The following TMLHE variants were observed in gnomAD, a reference collection of about 807,000 sequenced individuals.
The protein encoded by TMLHE is trimethyllysine hydroxylase, epsilon.
A neutral mutation model predicts 25.7 loss-of-function variants in TMLHE; 18 were observed. The observed-to-expected ratio is 0.70, with a 90% CI of 0.48 to 1.04. The LOEUF is 1.04. Ranked by LOEUF, TMLHE falls within the 50% of genes least tolerant of loss-of-function variation. TMLHE has a pLI of 0.00. For synonymous variants in TMLHE, 105 were observed against 97.0 expected (o/e 1.08, Z -0.49); for missense variants, 236 against 259.0 (o/e 0.91, Z 0.61).
At chrX:155,533,100 C>A (rs190180568) in intron 2 of TMLHE, among the ~76,000 whole-genome samples, 1 of 111,280 alleles carries the variant, frequency 9.0e-6, no homozygotes, top group Non-Finnish European at 1.9e-5. Context: ...TTCTGCAATG[C>A]GGGAATAATT....
At chrX:155,509,796 C>A (rs782166266) in intron 5 of TMLHE, among the ~76,000 whole-genome samples, 2 of 111,596 alleles carry the variant, frequency 1.8e-5, no homozygotes, top group Non-Finnish European at 3.8e-5. Flanking sequence ...AATCTATGTG[C>A]ACTCATTTTA....
intron 5 of TMLHE, among the ~76,000 whole-genome samples, chrX:155,510,584 A>G (rs373222538): frequency 7.3e-5 from 8 of 109,100 alleles, no homozygotes; most frequent in Admixed American, 2.0e-4. Flanking sequence ...TGAACTCATC[A>G]TTTTTTATGG....
chrX:155,581,221 T>C (rs1442745663), intron 1 of TMLHE, among the ~76,000 whole-genome samples: 1 of 111,567 alleles, frequency 9.0e-6, no homozygotes, highest in Non-Finnish European at 1.9e-5. Flanking sequence ...AATATCATAC[T>C]GAATGGGCAA....
At chrX:155,532,857 A>C (rs1469242808) in intron 2 of TMLHE, among the ~76,000 whole-genome samples, 2 of 111,405 alleles carry the variant, frequency 1.8e-5, no homozygotes, top group African/African-American at 6.5e-5. Flanking sequence ...CTTGTGGGTC[A>C]AATATAGTAT....
At chrX:155,549,560 C>G (rs909541224) in intron 1 of TMLHE, among the ~76,000 whole-genome samples, 1 of 110,114 alleles carries the variant, frequency 9.1e-6, no homozygotes, top group Non-Finnish European at 1.9e-5. Flanking sequence ...CCTTGCATTT[C>G]TGGAATAAAC....
At chrX:155,532,529 C>T (rs1437718645) in intron 2 of TMLHE, among the ~76,000 whole-genome samples, 1 of 111,626 alleles carries the variant, frequency 9.0e-6, no homozygotes, top group African/African-American at 3.3e-5. Context: ...CAACTGGATG[C>T]TTGAAAATGT....
intron 5 of TMLHE, 132 bp downstream of exon 5, chrX:155,511,541 G>T: frequency 3.2e-6 from 2 of 634,681 alleles, no homozygotes; most frequent in Non-Finnish European, 2.2e-6. Flanking sequence ...CATGTTTCTA[G>T]GGGAAGAGAA....
chrX:155,549,994 G>C (rs1229815604), intron 1 of TMLHE, among the ~76,000 whole-genome samples: 1 of 110,055 alleles, frequency 9.1e-6, no homozygotes, highest in Non-Finnish European at 1.9e-5. Context: ...CTCTTCCTGT[G>C]TTAGTTTGCT....
At position 155,511,693 on chromosome X, in the gene TMLHE, G is replaced by C; in HGVS notation, c.738C>G (p.Thr246=). 6 of 1,201,525 alleles carry C rather than the reference G, an allele frequency of 5.0e-6. No homozygotes were observed. Among genetic ancestry groups the C allele is most frequent in the Non-Finnish European group, 6.7e-6 (6 of 888,923 alleles). ...CCTACCCACAGGGCTCTTGAAAATAGGTAGTGTCAGTGTGCCGATCCAGAG... is the reference window on the plus strand; with the variant it reads ...CCTACCCACAGGGCTCTTGAAAATACGTAGTGTCAGTGTGCCGATCCAGAG... ...KLALDRHTDT[T]YFQEPCGIQV... is the part of the protein sequence containing the mutation. Residue 246 remains threonine (T), a synonymous_variant, in exon 5 of 8, where the codon ACC becomes ACG. Transcript: ENST00000334398.
intron 1 of TMLHE, among the ~76,000 whole-genome samples, chrX:155,583,508 G>T (rs1347746694): frequency 2.8e-5 from 3 of 106,642 alleles, no homozygotes; most frequent in Non-Finnish European, 5.8e-5. Flanking sequence ...TTTGGGTGTG[G>T]ACACAGCCAA....
At position 155,572,677 on chromosome X, in the gene TMLHE, C is replaced by T. The variant is rs1158053771; in HGVS notation, c.-1-27400G>A. 1.8e-4 allele frequency among the ~76,000 whole-genome samples: 10 copies of T among 55,952 alleles called. 2 individuals carry two copies. Among genetic ancestry groups the T allele is most frequent in the African/African-American group, 4.3e-4 (10 of 23,169 alleles). 48.6% of individuals were successfully genotyped at this position (55,952 alleles called of 115,157 possible). On this transcript the variant is annotated intron_variant, in intron 1 of 7. Coordinates refer to ENST00000334398, the MANE Select transcript of TMLHE (RefSeq NM_018196.4). ...AACAGAACACAGCCCTCAGAAATAA[C>T]GCCGCATATCTATAACTATCTGATC...
intron 2 of TMLHE, among the ~76,000 whole-genome samples, chrX:155,544,101 C>T (rs1449570669): frequency 9.0e-6 from 1 of 111,678 alleles, no homozygotes; most frequent in African/African-American, 3.3e-5. Flanking sequence ...ATTCTACAAT[C>T]TTCAGATTCT....
intron 2 of TMLHE, among the ~76,000 whole-genome samples, chrX:155,540,990 T>C (rs2124402838): frequency 9.0e-6 from 1 of 111,659 alleles, no homozygotes; most frequent in Non-Finnish European, 1.9e-5. Context: ...CATTTCTATA[T>C]ATTAATGGTG....
intron 1 of TMLHE, among the ~76,000 whole-genome samples, chrX:155,582,765 G>A (rs1180023077): frequency 4.5e-5 from 5 of 111,974 alleles, no homozygotes; most frequent in Admixed American, 3.8e-4. Context: ...ACAGTGTGGC[G>A]ATTCCTCAAG....
chrX:155,580,231 A>G (rs2067617328), intron 1 of TMLHE, among the ~76,000 whole-genome samples: 1 of 112,091 alleles, frequency 8.9e-6, no homozygotes, highest in African/African-American at 3.2e-5. Flanking sequence ...CAATAGACAT[A>G]TGAAAAAATG....
chrX:155,578,815 C>T lies in TMLHE; in HGVS notation c.-1-33538G>A, dbSNP rs1032851069. On this transcript the variant is annotated intron_variant, in intron 1 of 7. Transcript: ENST00000334398. ...CAGCCCACTGCTGCCACCACTGGGG[C>T]CCCAAAACTGGCACACTTCACATCA... Among the ~76,000 whole-genome samples the T allele has an allele frequency of 3.6e-5, 4 of 111,180 alleles. No individual in the cohort carries two copies. In the East Asian group the frequency reaches 1.1e-3, roughly 31 times the overall value.
intron 1 of TMLHE, among the ~76,000 whole-genome samples, chrX:155,588,635 C>G (rs782014885): frequency 1.9e-3 from 200 of 107,246 alleles, no homozygotes; most frequent in Non-Finnish European, 3.3e-3. Context: ...AAGAACTCAA[C>G]AATAAAAAAA....
At position 155,521,888 on chromosome X, in the gene TMLHE, G is replaced by A. The variant is rs369983789; in HGVS notation, c.358+2568C>T. 6.5e-3 allele frequency among the ~76,000 whole-genome samples: 572 copies of A among 88,084 alleles called. 4 individuals carry two copies. The highest frequency in any genetic ancestry group is 0.023 in the African/African-American group (542 of 23,751). The allele number at this position is 88,084 out of a possible 115,157, so 76.5% of individuals were successfully genotyped here. A position where few individuals can be genotyped will look rare whatever the true frequency, so the allele number is the denominator to read the frequency against. Reference sequence around the variant, plus strand: ...CCTCGCCCTGCTTCGGCTCGCGCACGGTGCGCACACACACTGGCCTGCGCC... The same window carrying A: ...CCTCGCCCTGCTTCGGCTCGCGCACAGTGCGCACACACACTGGCCTGCGCC... On this transcript the variant is annotated intron_variant, in intron 3 of 7. Transcript: ENST00000334398.
intron 1 of TMLHE, among the ~76,000 whole-genome samples, chrX:155,546,338 C>T (rs782398558): frequency 9.0e-6 from 1 of 111,196 alleles, no homozygotes; most frequent in South Asian, 3.7e-4. Flanking sequence ...AAAACAACAC[C>T]ATTTGCATAA....
Sources: gnomAD v4.1 joint callset for allele counts (sites outside exome capture counted in the v4.1 genomes callset) on GRCh38, gnomAD v4.1.1 for gene constraint, MANE v1.5 for transcripts, NCBI Gene and HGNC (gene_info 2026-07-23, HGNC 2026-07-21) for gene names.